The following SCAI variants were observed in gnomAD, a reference collection of about 807,000 sequenced individuals.
SCAI encodes the protein suppressor of cancer cell invasion, also known as protein SCAI.
Under a neutral mutation model 92.2 loss-of-function variants are expected in SCAI, and 24 were observed. The observed-to-expected ratio is 0.26, with a 90% CI of 0.19 to 0.37. The LOEUF (loss-of-function observed/expected upper bound fraction) is 0.37, where lower values mean the gene tolerates loss of function less well. SCAI is among the 10% of genes least tolerant of loss of function. The pLI is 1.00. For missense variants in SCAI, 450 were observed against 736.2 expected (o/e 0.61, Z 4.50); for synonymous variants, 261 against 258.6 (o/e 1.01, Z -0.09).
intron 2 of SCAI, among the ~76,000 whole-genome samples, chr9:125,138,154 T>G (rs1835579083): frequency 6.6e-6 from 1 of 152,124 alleles, no homozygotes; most frequent in Non-Finnish European, 1.5e-5. Flanking sequence ...AGATATTTGA[T>G]GGGTGTTTTT....
chr9:125,106,711 TTTTTC>T (rs139627114), intron 2 of SCAI, among the ~76,000 whole-genome samples: 55 of 149,026 alleles, frequency 3.7e-4, no homozygotes, highest in Non-Finnish European at 4.6e-4. Flanking sequence ...ACTTGCATTA[TTTTTC>T]TTTTCCTTTT....
intron 6 of SCAI, among the ~76,000 whole-genome samples, chr9:125,022,072 T>C (rs187598527): frequency 3.3e-5 from 5 of 152,278 alleles, no homozygotes; most frequent in Admixed American, 2.0e-4. Context: ...TTAGGTACAC[T>C]GGAACAAACT....
intron 2 of SCAI, among the ~76,000 whole-genome samples, chr9:125,131,744 C>T (rs1835404816): frequency 1.3e-5 from 2 of 152,188 alleles, no homozygotes; most frequent in Admixed American, 6.6e-5. Context: ...AATGGCTTTA[C>T]CAAAACCACT....
At chr9:125,072,058 T>C (rs1304089745) in intron 2 of SCAI, among the ~76,000 whole-genome samples, 1 of 150,810 alleles carries the variant, frequency 6.6e-6, no homozygotes, top group Non-Finnish European at 1.5e-5. Flanking sequence ...ACAGTCTTGC[T>C]CTGTCACCAG....
chr9:124,960,475 A>G (rs772280686), intron 17 of SCAI, among the ~76,000 whole-genome samples: 1 of 152,232 alleles, frequency 6.6e-6, no homozygotes, highest in Non-Finnish European at 1.5e-5. Flanking sequence ...AGACAATGGA[A>G]TACTACTCAG....
At chr9:125,079,502 T>C (rs896879709) in intron 2 of SCAI, among the ~76,000 whole-genome samples, 1 of 152,194 alleles carries the variant, frequency 6.6e-6, no homozygotes, top group African/African-American at 2.4e-5. Context: ...TCTTAGTAAA[T>C]AATTTTTCAC....
At chr9:125,006,100 A>C (rs1832501046) in intron 9 of SCAI, among the ~76,000 whole-genome samples, 2 of 152,364 alleles carry the variant, frequency 1.3e-5, no homozygotes, top group African/African-American at 4.8e-5. Context: ...TTCAGGTCTT[A>C]CAGAATTCTA....
In SCAI at chr9:125,106,897, T is replaced by G. The variant is rs367864719; in HGVS notation, c.98+35736A>C. 3.8e-4 allele frequency among the ~76,000 whole-genome samples: 57 copies of G among 148,786 alleles called. No homozygotes were observed. In the East Asian group the frequency reaches 0.011, roughly 29 times the overall value. On this transcript the variant is annotated intron_variant, in intron 2 of 17. Transcript: ENST00000336505. ...TTTTTTTTTTTTTTTAAGTTTTTTG[T>G]AGCATCAGAGTCTCATTATGTTGCC...
At chr9:125,053,043 G>A (rs1833593160) in intron 3 of SCAI, among the ~76,000 whole-genome samples, 1 of 152,098 alleles carries the variant, frequency 6.6e-6, no homozygotes. Context: ...TATGACCCAG[G>A]AATTCTACTC....
chr9:124,975,190 T>C, intron 15 of SCAI: 2 of 352,736 alleles, frequency 5.7e-6, no homozygotes, highest in Admixed American at 7.4e-5. Flanking sequence ...ATTTTACTTT[T>C]GGATACATGA....
intron 14 of SCAI, among the ~76,000 whole-genome samples, chr9:124,987,595 T>G (rs1417202152): frequency 1.3e-5 from 2 of 152,142 alleles, no homozygotes; most frequent in East Asian, 3.9e-4. Flanking sequence ...ATCCTGAACC[T>G]CAGAGGCAAA....
intron 9 of SCAI, among the ~76,000 whole-genome samples, chr9:125,011,855 G>C (rs1278104696): frequency 1.3e-5 from 2 of 152,206 alleles, no homozygotes; most frequent in African/African-American, 4.8e-5. Context: ...CTACAAGCCA[G>C]AAGAGAGTGG....
intron 2 of SCAI, among the ~76,000 whole-genome samples, chr9:125,099,480 C>T (rs886620473): frequency 7.2e-5 from 11 of 152,068 alleles, no homozygotes; most frequent in African/African-American, 2.7e-4. Flanking sequence ...CAGGGTTTTG[C>T]CATGTTGGCC....
At chr9:125,076,896 T>C (rs1223267758) in intron 2 of SCAI, among the ~76,000 whole-genome samples, 13 of 152,132 alleles carry the variant, frequency 8.5e-5, no homozygotes. Flanking sequence ...CGGGGTTTCA[T>C]TCACCATGTT....
chr9:125,113,494 A>T (rs1172013397), intron 2 of SCAI, among the ~76,000 whole-genome samples: 1 of 152,174 alleles, frequency 6.6e-6, no homozygotes, highest in East Asian at 1.9e-4. Flanking sequence ...GTGCAACAGA[A>T]AAAGGATATT....
chr9:125,098,038 C>CAT (rs201392867), intron 2 of SCAI, among the ~76,000 whole-genome samples: 10,668 of 150,582 alleles, frequency 0.071, 533 homozygotes, highest in Non-Finnish European at 0.11. Flanking sequence ...TATACACACA[C>CAT]ATATATATAT....
intron 2 of SCAI, among the ~76,000 whole-genome samples, chr9:125,107,137 A>G (rs1834817636): frequency 6.6e-6 from 1 of 152,094 alleles, no homozygotes; most frequent in Admixed American, 6.5e-5. Flanking sequence ...CAGGCTGGGC[A>G]CAGTGACTCA....
At position 124,952,458 on chromosome 9, in the gene SCAI, C is replaced by G. The variant is rs1831246692; in HGVS notation, c.*349G>C. ...CAAATCCAGACATTTAACTTAGGTC[C>G]AAGTATAAGAGTTGGATTTACCTCA... On this transcript the variant is annotated 3_prime_UTR_variant, in exon 18 of 18. Coordinates refer to ENST00000336505, the MANE Select transcript of SCAI (RefSeq NM_001144877.3). The G allele has an allele frequency of 6.0e-6, 1 of 166,372 alleles. No homozygotes were observed. Among genetic ancestry groups the G allele is most frequent in the African/African-American group, 2.4e-5 (1 of 41,632 alleles). The allele number at this position is 166,372 out of a possible 1,614,324, so 10.3% of individuals were successfully genotyped here. A position where few individuals can be genotyped will look rare whatever the true frequency, so the allele number is the denominator to read the frequency against.
At chr9:125,103,254 G>A (rs1273977817) in intron 2 of SCAI, among the ~76,000 whole-genome samples, 2 of 151,954 alleles carry the variant, frequency 1.3e-5, no homozygotes, top group Non-Finnish European at 2.9e-5. Flanking sequence ...TGGCTTTCTC[G>A]CAGTCTGTTT....
Sources: allele counts gnomAD v4.1 joint callset (sites outside exome capture counted in the v4.1 genomes callset), GRCh38; gene constraint gnomAD v4.1.1; transcripts MANE v1.5; gene names NCBI Gene and HGNC (gene_info 2026-07-23, HGNC 2026-07-21).